The following ZNF385C variants were observed in gnomAD, a reference collection of about 807,000 sequenced individuals.
The protein encoded by ZNF385C is CTD-2132N18.2.
A neutral mutation model predicts 35.4 loss-of-function variants in ZNF385C; 28 were observed. The ratio of observed to expected loss-of-function variants is 0.79; its 90% CI spans 0.59 to 1.08. The LOEUF (loss-of-function observed/expected upper bound fraction) is 1.08, where lower values mean the gene tolerates loss of function less well. ZNF385C is among the 50% of genes least tolerant of loss of function. The probability of loss-of-function intolerance (pLI) is 0.00; values close to 1 mark genes in which losing one functional copy is unlikely to be tolerated. For missense variants in ZNF385C, 605 were observed against 595.6 expected (o/e 1.02, Z -0.16); for synonymous variants, 248 against 248.2 (o/e 1.00, Z 0.01).
chr17:42,057,328 C>T (rs1226083495), intron 2 of ZNF385C, among the ~76,000 whole-genome samples: 3 of 152,126 alleles, frequency 2.0e-5, no homozygotes, highest in Admixed American at 1.3e-4. Context: ...TTGTTCAGCT[C>T]CTAAGCAGAT....
chr17:42,088,147 G>C (rs1482086981), intron 1 of ZNF385C, among the ~76,000 whole-genome samples: 7 of 152,174 alleles, frequency 4.6e-5, no homozygotes, highest in African/African-American at 1.7e-4. Context: ...ACATATGTTT[G>C]CTAAATAACA....
chr17:42,034,740 G>T (rs1241377815), intron 3 of ZNF385C, among the ~76,000 whole-genome samples: 1 of 149,686 alleles, frequency 6.7e-6, no homozygotes, highest in Non-Finnish European at 1.5e-5. Flanking sequence ...ACCGAGAGCA[G>T]GCCATTACAC....
chr17:42,078,035 G>T (rs901012941), intron 1 of ZNF385C, among the ~76,000 whole-genome samples: 8 of 152,216 alleles, frequency 5.3e-5, no homozygotes, highest in African/African-American at 1.9e-4. Flanking sequence ...GGCTCCCCCA[G>T]TGGAAACCGG....
chr17:42,068,829 G>T (rs1337317865), intron 1 of ZNF385C, among the ~76,000 whole-genome samples: 2 of 152,180 alleles, frequency 1.3e-5, no homozygotes, highest in Admixed American at 1.3e-4. Flanking sequence ...TCTCCTTAAA[G>T]CCTGCCAAAT....
At chr17:42,064,422 G>T (rs2053518241) in intron 1 of ZNF385C, among the ~76,000 whole-genome samples, 1 of 152,230 alleles carries the variant, frequency 6.6e-6, no homozygotes, top group African/African-American at 2.4e-5. Flanking sequence ...GTTATGGACT[G>T]AAGTGTGTCC....
intron 2 of ZNF385C, among the ~76,000 whole-genome samples, chr17:42,048,402 G>A (rs563155702): frequency 2.6e-5 from 4 of 151,816 alleles, no homozygotes; most frequent in African/African-American, 2.4e-5. Context: ...AAAATTAGCC[G>A]GTCATGGTGG....
intron 2 of ZNF385C, among the ~76,000 whole-genome samples, chr17:42,047,383 C>T (rs749459744): frequency 6.6e-6 from 1 of 152,012 alleles, no homozygotes; most frequent in Non-Finnish European, 1.5e-5. Flanking sequence ...CCGTGTTGAC[C>T]AGGCTGATCT....
At chr17:42,059,688 C>A (rs1056114978) in intron 2 of ZNF385C, among the ~76,000 whole-genome samples, 1 of 152,198 alleles carries the variant, frequency 6.6e-6, no homozygotes, top group Admixed American at 6.5e-5. Context: ...GTGGTGCGAT[C>A]TCAGCTCACT....
intron 2 of ZNF385C, among the ~76,000 whole-genome samples, chr17:42,046,943 A>C (rs2053174161): frequency 6.6e-6 from 1 of 151,534 alleles, no homozygotes; most frequent in South Asian, 2.1e-4. Context: ...GCTCACTGCA[A>C]TCTCCACCTC....
At chr17:42,063,809 G>A (rs1409433067) in intron 1 of ZNF385C, among the ~76,000 whole-genome samples, 2 of 152,174 alleles carry the variant, frequency 1.3e-5, no homozygotes, top group African/African-American at 4.8e-5. Context: ...GGCATGTGGC[G>A]CTTACTGGAG....
intron 1 of ZNF385C, among the ~76,000 whole-genome samples, chr17:42,072,654 C>T (rs1422977905): frequency 6.6e-6 from 1 of 152,070 alleles, no homozygotes; most frequent in Non-Finnish European, 1.5e-5. Context: ...CGCGCTCTCC[C>T]GGGACAGCCA....
At chr17:42,056,013 T>G (rs1279560189) in intron 2 of ZNF385C, among the ~76,000 whole-genome samples, 1 of 152,222 alleles carries the variant, frequency 6.6e-6, no homozygotes, top group African/African-American at 2.4e-5. Flanking sequence ...TCTGACTCGA[T>G]CTCTGCTAAC....
intron 2 of ZNF385C, among the ~76,000 whole-genome samples, chr17:42,053,451 C>T (rs1481283891): frequency 2.6e-5 from 4 of 151,890 alleles, no homozygotes; most frequent in African/African-American, 9.7e-5. Context: ...GCAGTAACAG[C>T]TCTCTCTTCA....
intron 7 of ZNF385C, 114 bp from the exon 8 acceptor site, chr17:42,027,842 A>G: frequency 7.8e-7 from 1 of 1,287,482 alleles, no homozygotes; most frequent in Admixed American, 2.1e-5. Flanking sequence ...CAAAGCACAC[A>G]GACTGGGTCC....
At chr17:42,065,925 T>C (rs2053540657) in intron 1 of ZNF385C, among the ~76,000 whole-genome samples, 1 of 152,100 alleles carries the variant, frequency 6.6e-6, no homozygotes, top group Admixed American at 6.5e-5. Context: ...CGTCTATACC[T>C]CTGTAGAATG....
intron 1 of ZNF385C, among the ~76,000 whole-genome samples, chr17:42,094,883 A>T (rs931394699): frequency 1.3e-5 from 2 of 152,148 alleles, no homozygotes; most frequent in Non-Finnish European, 2.9e-5. Context: ...TGGCCACTGG[A>T]GCCAGTGGGT....
At chr17:42,093,425 C>T (rs1555660728) in intron 1 of ZNF385C, among the ~76,000 whole-genome samples, 1 of 152,198 alleles carries the variant, frequency 6.6e-6, no homozygotes, top group Admixed American at 6.5e-5. Context: ...AGAGTGATGA[C>T]TCTGGACCCC....
chr17:42,031,509 G>T, intron 5 of ZNF385C, 110 bp downstream of exon 5: 1 of 1,365,744 alleles, frequency 7.3e-7, no homozygotes, highest in Non-Finnish European at 9.8e-7. Flanking sequence ...TTGCCTGTCT[G>T]TATGGAATAC....
chr17:42,030,856 C>T (rs1423088570), intron 5 of ZNF385C, among the ~76,000 whole-genome samples: 1 of 141,660 alleles, frequency 7.1e-6, no homozygotes, highest in African/African-American at 2.6e-5. Flanking sequence ...TGGAGTGATG[C>T]GTCTATAAGC....
Sources: allele counts gnomAD v4.1 joint callset (sites outside exome capture counted in the v4.1 genomes callset), GRCh38; gene constraint gnomAD v4.1.1; transcripts MANE v1.5; gene names NCBI Gene and HGNC (gene_info 2026-07-23, HGNC 2026-07-21).